CIROZ: variants seen among roughly 807,000 people sequenced by gnomAD.
The protein encoded by CIROZ is ciliated left-right organizer protein containing ZP-N domains, also known as ciliated left-right organizer ZP-N domains-containing protein.
chr1:10,982,060 C>T, the CIROZ span: 2 of 1,537,164 alleles, frequency 1.3e-6, no homozygotes, highest in Non-Finnish European at 1.7e-6. Flanking sequence ...CAGCTCTCTC[C>T]TGCCCTGGGA....
At chr1:10,971,754 C>G in the CIROZ span, among the ~76,000 whole-genome samples, 7 of 152,264 alleles carry the variant, frequency 4.6e-5, no homozygotes, top group African/African-American at 1.7e-4. Context: ...CGCACTGAGG[C>G]AAAGAGAAGC....
the CIROZ span, chr1:10,956,906 G>C: frequency 1.2e-6 from 1 of 868,640 alleles, no homozygotes. Context: ...GGTTGGGACT[G>C]AGGAGAGGAG....
chr1:10,973,956 A>ACCCC, the CIROZ span, among the ~76,000 whole-genome samples: 4,420 of 134,222 alleles, frequency 0.033, 221 homozygotes, highest in African/African-American at 0.11. Flanking sequence ...CCCAGGAAGG[A>ACCCC]CCCCCCCCAC....
the CIROZ span, among the ~76,000 whole-genome samples, chr1:10,968,029 G>A: frequency 6.6e-6 from 1 of 151,910 alleles, no homozygotes. Flanking sequence ...GCGGTGGGGG[G>A]GCACCTGTAG....
chr1:10,947,431 T>C, the CIROZ span, among the ~76,000 whole-genome samples: 1 of 152,258 alleles, frequency 6.6e-6, no homozygotes, highest in Non-Finnish European at 1.5e-5. Flanking sequence ...GGTACCCTGC[T>C]GGCTTGGATG....
the CIROZ span, among the ~76,000 whole-genome samples, chr1:10,974,954 GC>G: frequency 3.9e-5 from 6 of 151,978 alleles, no homozygotes; most frequent in East Asian, 9.7e-4. This position sits in a 1 kb window ranked among gnomAD's most constrained non-coding sequence, Gnocchi z 4.4. Flanking sequence ...CACAAAAATA[GC>G]CCCCCCTTCA....
the CIROZ span, among the ~76,000 whole-genome samples, chr1:10,980,743 A>G: frequency 3.3e-5 from 5 of 152,116 alleles, no homozygotes; most frequent in African/African-American, 7.2e-5. Flanking sequence ...TTGAGCATCA[A>G]TCGGGAGAAA....
At chr1:10,976,066 C>A in the CIROZ span, 1 of 1,065,716 alleles carries the variant, frequency 9.4e-7, no homozygotes, top group South Asian at 1.5e-5. Context: ...TCCAAAGTTG[C>A]CCAGTGTCAC....
chr1:10,959,301 G>GAGAC, the CIROZ span, among the ~76,000 whole-genome samples: 1 of 152,160 alleles, frequency 6.6e-6, no homozygotes, highest in East Asian at 1.9e-4. The surrounding 1 kb of genome is among the most constrained non-coding windows in gnomAD (Gnocchi z 4.3). Context: ...TGCTAAAACT[G>GAGAC]AGACAGGCCC....
At chr1:10,956,274 T>C in the CIROZ span, among the ~76,000 whole-genome samples, 1 of 152,078 alleles carries the variant, frequency 6.6e-6, no homozygotes. Flanking sequence ...AGGGCAACGG[T>C]GTCACTCCAG....
chr1:10,958,636 A>T, the CIROZ span: 76 of 1,541,062 alleles, frequency 4.9e-5, no homozygotes, highest in Non-Finnish European at 6.2e-5. Flanking sequence ...AAGCTGCCTC[A>T]GAGCATCCTG....
chr1:10,955,149 G>C, the CIROZ span: 1 of 1,612,552 alleles, frequency 6.2e-7, no homozygotes, highest in Non-Finnish European at 8.5e-7. Context: ...TCTGCTTGGG[G>C]ATGTGAACTA....
chr1:10,953,590 A>G, the CIROZ span, among the ~76,000 whole-genome samples: 1 of 152,220 alleles, frequency 6.6e-6, no homozygotes, highest in Non-Finnish European at 1.5e-5. Context: ...ATAAATGGAA[A>G]CAGCTCTTCT....
chr1:10,974,831 G>A, the CIROZ span, among the ~76,000 whole-genome samples: 1 of 152,158 alleles, frequency 6.6e-6, no homozygotes, highest in Non-Finnish European at 1.5e-5. The surrounding 1 kb of genome is among the most constrained non-coding windows in gnomAD (Gnocchi z 4.4). Flanking sequence ...GCTTTTCTGA[G>A]CTCTATGGGT....
At chr1:10,948,286 A>T in the CIROZ span, 1 of 1,613,822 alleles carries the variant, frequency 6.2e-7, no homozygotes, top group Non-Finnish European at 8.5e-7. Context: ...GTTCCAGAGC[A>T]CGTTTCCTGG....
At chr1:10,949,598 G>A in the CIROZ span, 1 of 1,583,560 alleles carries the variant, frequency 6.3e-7, no homozygotes, top group Non-Finnish European at 8.6e-7. Context: ...GGAAACCATG[G>A]GCAGAGGATG....
At chr1:10,966,888 C>T in the CIROZ span, among the ~76,000 whole-genome samples, 2 of 151,472 alleles carry the variant, frequency 1.3e-5, no homozygotes, top group South Asian at 2.1e-4. Flanking sequence ...GTGGCTCACA[C>T]CTGTAATCCC....
chr1:10,980,387 GC>G, the CIROZ span, among the ~76,000 whole-genome samples: 1 of 152,258 alleles, frequency 6.6e-6, no homozygotes, highest in African/African-American at 2.4e-5. Context: ...CCCATGGACG[GC>G]CGGGTACCCG....
At chr1:10,963,329 C>T in the CIROZ span, among the ~76,000 whole-genome samples, 6 of 152,088 alleles carry the variant, frequency 3.9e-5, no homozygotes, top group South Asian at 4.1e-4. Context: ...GCAGATGTTG[C>T]AGAGAGCCGA....
Sources: gnomAD v4.1 joint callset for allele counts (sites outside exome capture counted in the v4.1 genomes callset) on GRCh38, gnomAD v4.1.1 for gene constraint, Gnocchi (gnomAD v3.1) non-coding constraint, MANE v1.5 for transcripts, NCBI Gene and HGNC (gene_info 2026-07-23, HGNC 2026-07-21) for gene names.